The following PTGES3 variants were observed in gnomAD, a reference collection of about 807,000 sequenced individuals.
PTGES3 encodes the protein Hsp90 co-chaperone.
A neutral mutation model predicts 29.9 loss-of-function variants in PTGES3; 5 were observed. The ratio of observed to expected loss-of-function variants is 0.17; its 90% CI spans 0.09 to 0.35. PTGES3 has a LOEUF of 0.35. Among genes scored for constraint, PTGES3 ranks in the 10% least tolerant of loss-of-function variants. PTGES3 has a pLI of 1.00. For synonymous variants in PTGES3, 49 were observed against 57.8 expected, an observed-to-expected ratio of 0.85 and a Z score of 0.69; for missense variants, 128 against 190.0, an observed-to-expected ratio of 0.67 and a Z score of 1.92.
intron 1 of PTGES3, among the ~76,000 whole-genome samples, chr12:56,683,135 G>A (rs1952631789): frequency 1.3e-5 from 2 of 151,814 alleles, no homozygotes; most frequent in Middle Eastern, 6.8e-3. Context: ...GGATCATGAG[G>A]TCAGGAGTTC....
intron 1 of PTGES3, among the ~76,000 whole-genome samples, chr12:56,685,965 C>T (rs1055961011): frequency 2.0e-5 from 3 of 151,656 alleles, no homozygotes; most frequent in Non-Finnish European, 4.4e-5. Context: ...TTAGTAGAAA[C>T]GGGGTTTCAC....
intron 5 of PTGES3, 51 bp downstream of exon 5, chr12:56,670,224 G>T: frequency 8.2e-7 from 1 of 1,219,978 alleles, no homozygotes; most frequent in South Asian, 1.2e-5. Flanking sequence ...TGACTACATA[G>T]ACAGGTACCG....
At chr12:56,680,878 G>A (rs531777312) in intron 1 of PTGES3, among the ~76,000 whole-genome samples, 3 of 151,654 alleles carry the variant, frequency 2.0e-5, no homozygotes, top group East Asian at 3.9e-4. Context: ...CGCAGGCTCA[G>A]GTGATCCTCC....
chr12:56,677,509 G>C (rs770416763), intron 1 of PTGES3, among the ~76,000 whole-genome samples: 1 of 152,048 alleles, frequency 6.6e-6, no homozygotes, highest in Non-Finnish European at 1.5e-5. Flanking sequence ...GTAGCTATTG[G>C]AAAAACGAAT....
At chr12:56,682,131 G>A (rs1952570313) in intron 1 of PTGES3, among the ~76,000 whole-genome samples, 1 of 152,094 alleles carries the variant, frequency 6.6e-6, no homozygotes, top group Admixed American at 6.6e-5. Flanking sequence ...ACATGTGTGA[G>A]CCACCGTGCC....
intron 1 of PTGES3, chr12:56,687,796 G>T: frequency 7.0e-7 from 1 of 1,432,870 alleles, no homozygotes; most frequent in South Asian, 1.4e-5. Flanking sequence ...AACGGTTCAG[G>T]GGTGGGGGAA....
intron 1 of PTGES3, among the ~76,000 whole-genome samples, chr12:56,681,388 A>G (rs1201997433): frequency 6.6e-6 from 1 of 151,770 alleles, no homozygotes; most frequent in Non-Finnish European, 1.5e-5. Flanking sequence ...AATACAAAAA[A>G]TTAGCCGGAT....
rs1023229308 is a variant in PTGES3 at position 56,663,597 on chromosome 12, G to A, written c.*882C>T. Reference sequence around the variant, plus strand: ...GCCAGACACTTAAAAGGACAGCCAAGAAGTCTTCCAACAGTTTATTAGAAA... The same window carrying A: ...GCCAGACACTTAAAAGGACAGCCAAAAAGTCTTCCAACAGTTTATTAGAAA... On this transcript the variant is annotated 3_prime_UTR_variant, in exon 8 of 8. Coordinates refer to ENST00000262033, the MANE Select transcript of PTGES3 (RefSeq NM_006601.7). 6.6e-6 allele frequency: 1 copy of A among 152,428 alleles called. No homozygotes were observed. The highest frequency in any genetic ancestry group is 2.4e-5 in the African/African-American group (1 of 41,380). 9.4% of individuals were successfully genotyped at this position (152,428 alleles called of 1,614,324 possible). A position where few individuals can be genotyped will look rare whatever the true frequency, so the allele number is the denominator to read the frequency against.
At chr12:56,682,721 G>GAAAGAAAAAA (rs1555221189) in intron 1 of PTGES3, among the ~76,000 whole-genome samples, 1 of 114,290 alleles carries the variant, frequency 8.7e-6, no homozygotes, top group African/African-American at 3.4e-5. Flanking sequence ...CCATTTAAAA[G>GAAAGAAAAAA]AAAAAAAAAA....
Position 56,672,787 on chromosome 12 carries a change from AATT to A in PTGES3, c.136_138del (p.Asn46del). The stretch of plus-strand genomic sequence containing the variant: ...AGATCAATTTCATTTAAATGCTTAA[AATT>A]ATCACTTCCTCCGAGACAACTGTAT... On this transcript the variant is annotated inframe_deletion, in exon 3 of 8. Coordinates refer to ENST00000262033, the MANE Select transcript of PTGES3 (RefSeq NM_006601.7). The A allele has an allele frequency of 6.3e-7, 1 of 1,592,060 alleles. No homozygotes were observed. The highest frequency in any genetic ancestry group is 8.5e-7 in the Non-Finnish European group (1 of 1,169,964).
chr12:56,681,354 G>A (rs954516119), intron 1 of PTGES3, among the ~76,000 whole-genome samples: 4 of 150,668 alleles, frequency 2.7e-5, no homozygotes, highest in Non-Finnish European at 5.9e-5. Context: ...CTGGCTAACA[G>A]AGTGAAACCC....
intron 1 of PTGES3, 194 bp downstream of exon 1, chr12:56,687,804 G>A (rs1952953649): frequency 3.5e-6 from 5 of 1,434,432 alleles, no homozygotes; most frequent in Middle Eastern, 1.8e-4. Flanking sequence ...AGGGGTGGGG[G>A]AAGCAGACAT....
intron 1 of PTGES3, among the ~76,000 whole-genome samples, chr12:56,678,057 T>C (rs1038414382): frequency 2.6e-5 from 4 of 151,390 alleles, no homozygotes; most frequent in East Asian, 3.9e-4. Context: ...CAGACATTTA[T>C]AGGCAAGGTG....
chr12:56,675,361 G>A (rs1952188637), intron 1 of PTGES3, among the ~76,000 whole-genome samples: 1 of 151,776 alleles, frequency 6.6e-6, no homozygotes, highest in Non-Finnish European at 1.5e-5. Context: ...TCATGTCCCA[G>A]ATAAAACAAA....
chr12:56,675,989 G>T (rs1952221115), intron 1 of PTGES3, among the ~76,000 whole-genome samples: 1 of 152,122 alleles, frequency 6.6e-6, no homozygotes, highest in African/African-American at 2.4e-5. Flanking sequence ...CACTTTGTGA[G>T]GCCAAGGCTG....
At chr12:56,664,858 AGT>A in intron 6 of PTGES3, 58 bp from the exon 7 acceptor site, 1 of 1,579,154 alleles carries the variant, frequency 6.3e-7, no homozygotes, top group Non-Finnish European at 8.6e-7. Flanking sequence ...CTAACTGAAC[AGT>A]TTACCTAAAA....
intron 1 of PTGES3, among the ~76,000 whole-genome samples, chr12:56,686,217 G>A (rs950316926): frequency 2.6e-5 from 4 of 151,996 alleles, no homozygotes; most frequent in South Asian, 2.1e-4. Flanking sequence ...AAGATATGTT[G>A]TTTGGCTCTA....
Position 56,664,776 on chromosome 12 carries a change from T to C in PTGES3, c.463A>G (p.Lys155Glu). The change falls in exon 7 of 8, where the codon AAA becomes GAA. Residue 155 changes from lysine (K) to glutamate (E), a missense_variant and splice_region_variant. Transcript: ENST00000262033. ...DDDSQDSDDE[K>E]MPDLE ...AAACATACTTTTTATATACACTTAC[T>C]TTCATCATCACTGTCTTGTGAATCC... 6.3e-7 allele frequency: 1 copy of C among 1,595,842 alleles called. No homozygotes were observed. The highest frequency in any genetic ancestry group is 8.6e-7 in the Non-Finnish European group (1 of 1,167,234).
chr12:56,668,814 G>C (rs1951881031), intron 5 of PTGES3, among the ~76,000 whole-genome samples: 1 of 151,946 alleles, frequency 6.6e-6, no homozygotes, highest in Non-Finnish European at 1.5e-5. Context: ...TCATCAGTAT[G>C]CATTCGACTT....
Sources: gnomAD v4.1 joint callset for allele counts (sites outside exome capture counted in the v4.1 genomes callset) on GRCh38, gnomAD v4.1.1 for gene constraint, MANE v1.5 for transcripts, NCBI Gene and HGNC (gene_info 2026-07-23, HGNC 2026-07-21) for gene names.